The following GLS variants were observed in gnomAD, a reference collection of about 807,000 sequenced individuals.
GLS encodes the protein glutaminase kidney isoform, mitochondrial.
A neutral mutation model predicts 86.7 loss-of-function variants in GLS; 36 were observed. The observed-to-expected ratio is 0.42, with a 90% CI of 0.32 to 0.55. GLS has a LOEUF of 0.55. Among genes scored for constraint, GLS ranks in the 20% least tolerant of loss-of-function variants. The pLI is 0.17. For synonymous variants in GLS, 317 were observed against 305.9 expected, an observed-to-expected ratio of 1.04 and a Z score of -0.38; for missense variants, 528 against 833.4, an observed-to-expected ratio of 0.63 and a Z score of 4.51.
At chr2:190,912,290 T>A (rs1429641486) in intron 7 of GLS, among the ~76,000 whole-genome samples, 2 of 151,588 alleles carry the variant, frequency 1.3e-5, no homozygotes, top group Non-Finnish European at 2.9e-5. Context: ...TGGTTTATAT[T>A]TAAGGTCACT....
chr2:190,944,992 A>G (rs374182070), intron 14 of GLS, among the ~76,000 whole-genome samples: 1 of 152,108 alleles, frequency 6.6e-6, no homozygotes, highest in South Asian at 2.1e-4. Flanking sequence ...CTGATTTCCT[A>G]TCACAACATA....
At position 190,924,102 on chromosome 2, in the gene GLS, G is replaced by C. The variant is rs764180855; in HGVS notation, c.1197+119G>C. 15 of 625,834 alleles carry C rather than the reference G, an allele frequency of 2.4e-5. No individual in the cohort carries two copies. In the Admixed American group the frequency reaches 2.8e-4, roughly 12 times the overall value. 38.8% of individuals were successfully genotyped at this position (625,834 alleles called of 1,614,324 possible). On this transcript the variant is annotated intron_variant, in intron 10 of 17. Coordinates refer to ENST00000320717, the MANE Select transcript of GLS (RefSeq NM_014905.5). This position sits in a 1 kb window ranked among gnomAD's most constrained non-coding sequence, Gnocchi z 5.2. ...ACTACCTATTACTATTTAAGGTGCA[G>C]AAGTTTTTGCAGAGTGCTCGTGAGT...
chr2:190,906,089 C>T (rs916295562), intron 6 of GLS, among the ~76,000 whole-genome samples: 1 of 151,846 alleles, frequency 6.6e-6, no homozygotes, highest in Non-Finnish European at 1.5e-5. Context: ...CCCATTTTAC[C>T]GTAACCTTTT....
chr2:190,893,005 T>A (rs892113711), intron 1 of GLS, among the ~76,000 whole-genome samples: 1 of 152,338 alleles, frequency 6.6e-6, no homozygotes, highest in East Asian at 1.9e-4. Flanking sequence ...TACCATTTAC[T>A]TGTGTGATAA....
At chr2:190,894,898 A>G (rs115482401) in intron 1 of GLS, among the ~76,000 whole-genome samples, 1,651 of 152,314 alleles carry the variant, frequency 0.011, 37 homozygotes, top group African/African-American at 0.037. Flanking sequence ...CATTAGCACA[A>G]CTAGAGTTGA....
chr2:190,884,829 C>A (rs1013106650), intron 1 of GLS, among the ~76,000 whole-genome samples: 4 of 152,182 alleles, frequency 2.6e-5, no homozygotes, highest in Non-Finnish European at 5.9e-5. Context: ...TTCCCCTTCT[C>A]AGATTGGCAG....
chr2:190,931,527 C>G lies in GLS; in HGVS notation c.1558-18C>G. ...GAATAGCCAATTTCTTATACCTGCT[C>G]TGTATAACTGTTTACAGGATCTTGT... On this transcript the variant is annotated intron_variant, in intron 13 of 17. Transcript: ENST00000320717. 1.7e-6 allele frequency: 2 copies of G among 1,169,584 alleles called. No homozygotes were observed. The highest frequency in any genetic ancestry group is 4.8e-5 in the East Asian group (2 of 42,090). The allele number at this position is 1,169,584 out of a possible 1,614,324, so 72.5% of individuals were successfully genotyped here. A position where few individuals can be genotyped will look rare whatever the true frequency, so the allele number is the denominator to read the frequency against.
chr2:190,935,272 A>T lies in GLS; in HGVS notation c.1650+3635A>T. 1 of 597,326 alleles carries T rather than the reference A, an allele frequency of 1.7e-6. No homozygotes were observed. Among genetic ancestry groups the T allele is most frequent in the Non-Finnish European group, 2.1e-6 (1 of 475,802 alleles). The allele number at this position is 597,326 out of a possible 1,614,324, so 37.0% of individuals were successfully genotyped here. A position where few individuals can be genotyped will look rare whatever the true frequency, so the allele number is the denominator to read the frequency against. On this transcript the variant is annotated intron_variant, in intron 14 of 17. Coordinates refer to ENST00000320717, the MANE Select transcript of GLS (RefSeq NM_014905.5). This position sits in a 1 kb window ranked among gnomAD's most constrained non-coding sequence, Gnocchi z 4.2. ...ATGCCTACATTTTGTATTGCACAAT[A>T]AATTTATTTTAAGCTGATTTTATTG...
intron 14 of GLS, chr2:190,932,945 A>G: frequency 7.7e-7 from 1 of 1,303,302 alleles, no homozygotes; most frequent in Non-Finnish European, 9.8e-7. Flanking sequence ...ATAAATATTT[A>G]TTTGAGGTAT....
chr2:190,908,894 A>G (rs550613962), intron 6 of GLS, among the ~76,000 whole-genome samples: 1 of 152,364 alleles, frequency 6.6e-6, no homozygotes, highest in East Asian at 1.9e-4. Context: ...CAGAGTATTT[A>G]TCATTTGGAA....
intron 14 of GLS, among the ~76,000 whole-genome samples, chr2:190,945,463 C>A (rs1270836745): frequency 6.6e-6 from 1 of 151,816 alleles, no homozygotes; most frequent in Admixed American, 6.6e-5. Flanking sequence ...TAGTTTGAGA[C>A]CAGCCTGGGC....
In GLS at chr2:190,913,828, T is replaced by A. The variant is rs1324236819; in HGVS notation, c.1038+3507T>A. On this transcript the variant is annotated intron_variant, in intron 7 of 17. Transcript: ENST00000320717. The surrounding 1 kb of genome is among the most constrained non-coding windows in gnomAD (Gnocchi z 6.1). ...TGTTTTTTGTTTTTTAGAGACAAGG[T>A]CTCTCTCTGTTGCCCAGTCTAAGTG... 1 of 679,882 alleles carries A rather than the reference T, an allele frequency of 1.5e-6. No individual in the cohort carries two copies. Among genetic ancestry groups the A allele is most frequent in the East Asian group, 1.3e-4 (1 of 7,450 alleles). 42.1% of individuals were successfully genotyped at this position (679,882 alleles called of 1,614,324 possible). A position where few individuals can be genotyped will look rare whatever the true frequency, so the allele number is the denominator to read the frequency against.
At chr2:190,932,981 G>C (rs760460519) in intron 14 of GLS, 105 of 1,229,572 alleles carry the variant, frequency 8.5e-5, no homozygotes, top group Non-Finnish European at 9.6e-5. Flanking sequence ...TTGGGTGCTG[G>C]AGCCATAAAG....
At chr2:190,901,504 A>G (rs1032311688) in intron 4 of GLS, among the ~76,000 whole-genome samples, 12 of 152,026 alleles carry the variant, frequency 7.9e-5, no homozygotes, top group African/African-American at 2.9e-4. Context: ...GTTTAAATCC[A>G]TGTTCAAGAT....
Position 190,921,004 on chromosome 2 carries a change from T to C in GLS, c.1039-20T>C, listed in dbSNP as rs201692992. The stretch of plus-strand genomic sequence containing the variant: ...AGTGGTACCTATATTAACGTATTTA[T>C]GTCTCTTATTTTTTTGCAGCAAGGA... On this transcript the variant is annotated intron_variant, in intron 7 of 17. Coordinates refer to ENST00000320717, the MANE Select transcript of GLS (RefSeq NM_014905.5). This position sits in a 1 kb window ranked among gnomAD's most constrained non-coding sequence, Gnocchi z 4.2. The C allele has an allele frequency of 1.9e-5, 26 of 1,389,212 alleles. No individual in the cohort carries two copies. Among genetic ancestry groups the C allele is most frequent in the Non-Finnish European group, 2.6e-5 (25 of 977,658 alleles). 86.1% of individuals were successfully genotyped at this position (1,389,212 alleles called of 1,614,324 possible).
At chr2:190,946,570 A>T (rs981139543) in intron 14 of GLS, among the ~76,000 whole-genome samples, 1 of 152,156 alleles carries the variant, frequency 6.6e-6, no homozygotes, top group Non-Finnish European at 1.5e-5. Flanking sequence ...ACAGAAACTA[A>T]AGATGAAAAA....
intron 14 of GLS, among the ~76,000 whole-genome samples, chr2:190,944,459 T>C (rs1690531637): frequency 6.6e-6 from 1 of 152,222 alleles, no homozygotes; most frequent in African/African-American, 2.4e-5. Context: ...ACTTTGATAG[T>C]TGTCTGTGCA....
chr2:190,947,420 T>A lies in GLS; in HGVS notation c.1651-6145T>A, dbSNP rs57418987. 3.2e-4 allele frequency among the ~76,000 whole-genome samples: 48 copies of A among 152,332 alleles called. No individual in the cohort carries two copies. In the East Asian group the frequency reaches 9.1e-3, roughly 29 times the overall value. On this transcript the variant is annotated intron_variant, in intron 14 of 17. Coordinates refer to ENST00000320717, the MANE Select transcript of GLS (RefSeq NM_014905.5). This position sits in a 1 kb window ranked among gnomAD's most constrained non-coding sequence, Gnocchi z 5.0. Reference sequence around the variant, plus strand: ...ATTGTCTGGTTCGGGCAGATTCTGATAAAGAGACTTGATAAGAAAAATGCA... The same window carrying A: ...ATTGTCTGGTTCGGGCAGATTCTGAAAAAGAGACTTGATAAGAAAAATGCA...
intron 9 of GLS, among the ~76,000 whole-genome samples, chr2:190,922,842 A>G (rs1221279838): frequency 2.0e-5 from 3 of 152,178 alleles, no homozygotes; most frequent in African/African-American, 4.8e-5. Flanking sequence ...TTGTAGGGCA[A>G]TTCTCAAATA....
Sources: allele counts gnomAD v4.1 joint callset (sites outside exome capture counted in the v4.1 genomes callset), GRCh38; gene constraint gnomAD v4.1.1; non-coding constraint Gnocchi (gnomAD v3.1); transcripts MANE v1.5; gene names NCBI Gene and HGNC (gene_info 2026-07-23, HGNC 2026-07-21).